The following KDM4C variants were observed in gnomAD, a reference collection of about 807,000 sequenced individuals.
KDM4C encodes lysine demethylase 4C.
A neutral mutation model predicts 129.3 loss-of-function variants in KDM4C; 81 were observed. The ratio of observed to expected loss-of-function variants is 0.63; its 90% CI spans 0.52 to 0.75. The LOEUF is 0.75. KDM4C is among the 30% of genes least tolerant of loss of function. KDM4C has a pLI of 0.00. For synonymous variants in KDM4C, 573 were observed against 456.1 expected (o/e 1.26, Z -3.26); for missense variants, 1,457 against 1,304.0 (o/e 1.12, Z -1.81).
chr9:7,133,287 A>G (rs374847082), intron 19 of KDM4C, among the ~76,000 whole-genome samples: 10 of 152,020 alleles, frequency 6.6e-5, no homozygotes, highest in African/African-American at 2.4e-4. Flanking sequence ...GAGTTAGAAG[A>G]TGTGTCCTCA....
intron 6 of KDM4C, among the ~76,000 whole-genome samples, chr9:6,884,601 C>CTAGT (rs749690313): frequency 4.6e-5 from 7 of 152,098 alleles, no homozygotes; most frequent in Non-Finnish European, 1.0e-4. Flanking sequence ...AAATTTTTTA[C>CTAGT]TAGTTTGGAA....
chr9:6,895,764 A>G (rs1816313925), intron 8 of KDM4C, among the ~76,000 whole-genome samples: 1 of 152,156 alleles, frequency 6.6e-6, no homozygotes, highest in African/African-American at 2.4e-5. Flanking sequence ...ATTAAGAAAA[A>G]AGAATATTTT....
Position 6,903,925 on chromosome 9 carries a change from T to C in KDM4C, c.921+10693T>C, listed in dbSNP as rs536226697. ...CCTATAGATTATTTTGCCATGTCTT[T>C]AATATATCATTCTGTTCAATATATC... is the stretch of plus-strand genomic sequence containing the variant. On this transcript the variant is annotated intron_variant, in intron 8 of 21. Coordinates refer to ENST00000381309, the MANE Select transcript of KDM4C (RefSeq NM_015061.6). 7.5e-4 allele frequency among the ~76,000 whole-genome samples: 115 copies of C among 152,332 alleles called. 1 individual carries two copies. Among genetic ancestry groups the C allele is most frequent in the African/African-American group, 2.7e-3 (112 of 41,586 alleles).
At chr9:6,989,771 T>C (rs1818392182) in intron 11 of KDM4C, among the ~76,000 whole-genome samples, 1 of 152,066 alleles carries the variant, frequency 6.6e-6, no homozygotes, top group African/African-American at 2.4e-5. Flanking sequence ...AATGCAATCT[T>C]AGATTTACTT....
intron 17 of KDM4C, among the ~76,000 whole-genome samples, chr9:7,073,060 G>GA (rs1271754097): frequency 6.6e-6 from 1 of 152,132 alleles, no homozygotes; most frequent in Non-Finnish European, 1.5e-5. Flanking sequence ...TGTTTTGGGA[G>GA]ATGAGAGCTA....
intron 17 of KDM4C, among the ~76,000 whole-genome samples, chr9:7,093,557 T>G (rs1836060815): frequency 6.6e-6 from 1 of 152,186 alleles, no homozygotes; most frequent in Non-Finnish European, 1.5e-5. Context: ...ATGGTCCGCA[T>G]TTTTCATTGT....
chr9:6,992,364 G>A (rs1390438299), intron 12 of KDM4C, among the ~76,000 whole-genome samples: 1 of 152,200 alleles, frequency 6.6e-6, no homozygotes, highest in Non-Finnish European at 1.5e-5. Flanking sequence ...TTGGTTTGAT[G>A]AAGTCGTCTC....
At chr9:7,052,996 G>T (rs1830420397) in intron 17 of KDM4C, among the ~76,000 whole-genome samples, 1 of 151,624 alleles carries the variant, frequency 6.6e-6, no homozygotes, top group Non-Finnish European at 1.5e-5. Context: ...TTTTAGTTTA[G>T]TTTTTCATTT....
intron 5 of KDM4C, among the ~76,000 whole-genome samples, chr9:6,862,858 C>A (rs77690533): frequency 0.025 from 3,796 of 150,758 alleles, 109 homozygotes; most frequent in East Asian, 0.15. Flanking sequence ...AAAAAAAATT[C>A]AATCATAGGA....
chr9:6,765,576 C>G (rs890458105), intron 1 of KDM4C, among the ~76,000 whole-genome samples: 4 of 152,194 alleles, frequency 2.6e-5, no homozygotes, highest in Non-Finnish European at 5.9e-5. Context: ...ATATAGCACA[C>G]TGTTCCCTCA....
intron 8 of KDM4C, among the ~76,000 whole-genome samples, chr9:6,961,527 C>A (rs1409321762): frequency 6.6e-6 from 1 of 152,146 alleles, no homozygotes; most frequent in Non-Finnish European, 1.5e-5. Context: ...GTAACTATTT[C>A]TCATCAGACA....
chr9:7,069,534 A>C (rs1832913041), intron 17 of KDM4C, among the ~76,000 whole-genome samples: 1 of 151,340 alleles, frequency 6.6e-6, no homozygotes, highest in African/African-American at 2.5e-5. Context: ...AAAACAAAAC[A>C]AAAAACTTTA....
At chr9:6,818,429 G>GC (rs1832504213) in intron 4 of KDM4C, among the ~76,000 whole-genome samples, 1 of 152,206 alleles carries the variant, frequency 6.6e-6, no homozygotes, top group African/African-American at 2.4e-5. Context: ...TTGCCCATAG[G>GC]CAGGGGCAAG....
chr9:6,940,776 G>A (rs551415753), intron 8 of KDM4C, among the ~76,000 whole-genome samples: 2 of 152,144 alleles, frequency 1.3e-5, no homozygotes, highest in South Asian at 4.2e-4. Context: ...TCCTTTCCCA[G>A]AACTTTATTT....
At chr9:7,076,378 A>G (rs1587482450) in intron 17 of KDM4C, 13 of 1,252,938 alleles carry the variant, frequency 1.0e-5, no homozygotes, top group East Asian at 2.5e-5. Context: ...TATTTTCACT[A>G]TAATTTATTA....
At chr9:6,918,861 T>C (rs1283496365) in intron 8 of KDM4C, among the ~76,000 whole-genome samples, 1 of 152,142 alleles carries the variant, frequency 6.6e-6, no homozygotes, top group African/African-American at 2.4e-5. Flanking sequence ...TTGCTCACTT[T>C]TTTTTTTTGA....
At chr9:7,058,801 G>A (rs1390541693) in intron 17 of KDM4C, among the ~76,000 whole-genome samples, 1 of 152,054 alleles carries the variant, frequency 6.6e-6, no homozygotes, top group Non-Finnish European at 1.5e-5. Flanking sequence ...TGGCCTTGAG[G>A]TAAAACATTT....
intron 10 of KDM4C, 50 bp from the exon 11 acceptor site, chr9:6,986,294 A>G (rs1379801637): frequency 1.6e-6 from 2 of 1,260,720 alleles, no homozygotes; most frequent in South Asian, 1.4e-5. Flanking sequence ...AATTCTACTT[A>G]GTAGTAATAC....
chr9:7,055,297 C>T (rs528944644), intron 17 of KDM4C, among the ~76,000 whole-genome samples: 1 of 152,340 alleles, frequency 6.6e-6, no homozygotes, highest in South Asian at 2.1e-4. Context: ...AGGACTTTTA[C>T]ATTTGAAATC....
Sources: allele counts gnomAD v4.1 joint callset (sites outside exome capture counted in the v4.1 genomes callset), GRCh38; gene constraint gnomAD v4.1.1; transcripts MANE v1.5; gene names NCBI Gene and HGNC (gene_info 2026-07-23, HGNC 2026-07-21).